SVIL: variants seen among roughly 807,000 people sequenced by gnomAD.
The protein encoded by SVIL is supervillin.
A neutral mutation model predicts 240.4 loss-of-function variants in SVIL; 101 were observed. That is an observed-to-expected ratio of 0.42 (90% CI 0.36 to 0.50). The LOEUF is 0.50. Among genes scored for constraint, SVIL ranks in the 20% least tolerant of loss-of-function variants. SVIL has a pLI of 0.01. For synonymous variants in SVIL, 999 were observed against 1,100.0 expected, an observed-to-expected ratio of 0.91 and a Z score of 1.82; for missense variants, 2,512 against 2,818.7, an observed-to-expected ratio of 0.89 and a Z score of 2.46.
chr10:29,519,002 A>T (rs1202629352), intron 16 of SVIL, among the ~76,000 whole-genome samples: 1 of 152,212 alleles, frequency 6.6e-6, no homozygotes, highest in Non-Finnish European at 1.5e-5. Flanking sequence ...AAGGCTGAAG[A>T]AGACAGACCT....
intron 6 of SVIL, among the ~76,000 whole-genome samples, chr10:29,539,080 C>G (rs1051779206): frequency 2.0e-5 from 3 of 152,004 alleles, no homozygotes; most frequent in African/African-American, 7.3e-5. Context: ...CAGTAGGATC[C>G]TTTGAGCCCA....
chr10:29,583,019 C>T (rs1456535984), intron 1 of SVIL, among the ~76,000 whole-genome samples: 1 of 152,110 alleles, frequency 6.6e-6, no homozygotes, highest in African/African-American at 2.4e-5. Flanking sequence ...AACACTGAGT[C>T]GTCACAGAGG....
intron 17 of SVIL, among the ~76,000 whole-genome samples, chr10:29,503,588 CTATT>C (rs1213528010): frequency 6.6e-6 from 1 of 152,148 alleles, no homozygotes; most frequent in Admixed American, 6.5e-5. Flanking sequence ...AGTATATAAA[CTATT>C]TATATTTAGC....
In SVIL at chr10:29,727,745, A is replaced by C. The variant is rs201557391; in HGVS notation, c.-400+8006T>G. Among the ~76,000 whole-genome samples the C allele has an allele frequency of 9.2e-3, 1,389 of 150,786 alleles. 18 individuals are homozygous for C. The highest frequency in any genetic ancestry group is 0.051 in the East Asian group (263 of 5,168). ...TGTGAATTAAGTCGTGAACACAAAA[A>C]AAAAAAAAAAAGAAAAAGTCACAAA... On this transcript the variant is annotated intron_variant, in intron 1 of 35. Transcript: ENST00000375400.
chr10:29,516,085 C>T (rs1321781425), intron 16 of SVIL, among the ~76,000 whole-genome samples: 4 of 152,146 alleles, frequency 2.6e-5, no homozygotes, highest in South Asian at 2.1e-4. Context: ...TGTTTCACTT[C>T]GGTAGAACAT....
chr10:29,550,044 C>G lies in SVIL; in HGVS notation c.827+553G>C, dbSNP rs569094954. On this transcript the variant is annotated intron_variant, in intron 6 of 37. Coordinates refer to ENST00000355867, the MANE Select transcript of SVIL (RefSeq NM_021738.3). The stretch of plus-strand genomic sequence containing the variant: ...TAAAAAAAAAAAAAAAAAAGAATTA[C>G]GAAGAAAAGAAAAAGAAAAAAAAAA... Among the ~76,000 whole-genome samples the G allele has an allele frequency of 2.4e-5, 3 of 126,040 alleles. No homozygotes were observed. In the East Asian group the frequency reaches 6.9e-4, roughly 29 times the overall value. The allele number at this position is 126,040 out of a possible 152,430, so 82.7% of individuals were successfully genotyped here. A position where few individuals can be genotyped will look rare whatever the true frequency, so the allele number is the denominator to read the frequency against.
intron 1 of SVIL, among the ~76,000 whole-genome samples, chr10:29,586,513 G>A (rs1241407547): frequency 6.6e-6 from 1 of 152,014 alleles, no homozygotes; most frequent in Non-Finnish European, 1.5e-5. Context: ...TGGAACGCAG[G>A]TCCCTTGGCT....
intron 6 of SVIL, among the ~76,000 whole-genome samples, chr10:29,542,771 A>T (rs1007536666): frequency 2.0e-5 from 3 of 152,122 alleles, no homozygotes; most frequent in African/African-American, 7.2e-5. Context: ...CATTTTTTCT[A>T]ACTACTTTTT....
chr10:29,692,685 G>A (rs998372513), intron 1 of SVIL, among the ~76,000 whole-genome samples: 2 of 151,190 alleles, frequency 1.3e-5, no homozygotes, highest in African/African-American at 2.4e-5. Context: ...TAAGGGCAAG[G>A]TCTCCCTATG....
At chr10:29,566,845 T>C (rs1301792269) in intron 2 of SVIL, among the ~76,000 whole-genome samples, 1 of 152,062 alleles carries the variant, frequency 6.6e-6, no homozygotes, top group Non-Finnish European at 1.5e-5. Context: ...TCCTCCTCAG[T>C]CACCCCTCAA....
At position 29,533,303 on chromosome 10, in the gene SVIL, T is replaced by C; in HGVS notation, c.1064A>G (p.Lys355Arg). The C allele has an allele frequency of 6.2e-7, 1 of 1,614,052 alleles. No individual in the cohort carries two copies. Among genetic ancestry groups the C allele is most frequent in the Non-Finnish European group, 8.5e-7 (1 of 1,179,996 alleles). The change falls in exon 8 of 38, where the codon AAG becomes AGG. Residue 355 changes from lysine to arginine, a missense_variant. This residue lies in a region of SVIL where 1,443 missense variants were observed against 1,486.6 expected (regional missense o/e 0.97). Coordinates refer to ENST00000355867, the MANE Select transcript of SVIL (RefSeq NM_021738.3). ...EHSAFDRVPSKAAGSTRQPIR... is the reference protein window; with the variant it reads ...EHSAFDRVPSRAAGSTRQPIR... ...TGGCTGTCGTGTAGAGCCTGCTGCC[T>C]TGCTGGGGACCCTATCAAAGGCTGA...
At chr10:29,649,443 A>G (rs1958770056) in intron 3 of SVIL, among the ~76,000 whole-genome samples, 1 of 152,180 alleles carries the variant, frequency 6.6e-6, no homozygotes, top group Admixed American at 6.5e-5. Flanking sequence ...TTTTTAAACC[A>G]CACACATAAG....
At chr10:29,478,045 G>A (rs571229266) in intron 29 of SVIL, among the ~76,000 whole-genome samples, 1 of 152,252 alleles carries the variant, frequency 6.6e-6, no homozygotes, top group Non-Finnish European at 1.5e-5. Context: ...TATAAAACAC[G>A]ATTTCCCTTT....
chr10:29,615,738 T>C (rs531916002), intron 1 of SVIL, among the ~76,000 whole-genome samples: 1 of 152,352 alleles, frequency 6.6e-6, no homozygotes, highest in South Asian at 2.1e-4. Context: ...ATATCAAGCA[T>C]TGGGCAGTAA....
Position 29,473,663 on chromosome 10 carries a change from A to G in SVIL, c.5529+175T>C, listed in dbSNP as rs139034454. ...ATCTTACAAAAAGTGGGAGGAGGAA[A>G]GAAATGGGAGGCACAGCCTGAGACC... On this transcript the variant is annotated intron_variant, in intron 30 of 37. Coordinates refer to ENST00000355867, the MANE Select transcript of SVIL (RefSeq NM_021738.3). 795 of 732,202 alleles carry G rather than the reference A, an allele frequency of 1.1e-3. 8 individuals carry two copies. The African/African-American group carries it at 0.013, about 12-fold the overall frequency. The allele number at this position is 732,202 out of a possible 1,614,324, so 45.4% of individuals were successfully genotyped here. A position where few individuals can be genotyped will look rare whatever the true frequency, so the allele number is the denominator to read the frequency against.
At chr10:29,617,506 G>A (rs1301985789) in intron 1 of SVIL, among the ~76,000 whole-genome samples, 4 of 151,696 alleles carry the variant, frequency 2.6e-5, no homozygotes, top group South Asian at 2.1e-4. Context: ...GCTTGAACCC[G>A]GAAGGCAGAG....
At chr10:29,463,682 A>C (rs1944541421) in intron 34 of SVIL, 47 bp from the exon 35 acceptor site, 2 of 1,600,582 alleles carry the variant, frequency 1.2e-6, no homozygotes, top group Admixed American at 3.4e-5. Context: ...TCCTTCACGG[A>C]CACTTCTAGC....
At chr10:29,546,606 T>G (rs962891386) in intron 6 of SVIL, among the ~76,000 whole-genome samples, 1 of 152,178 alleles carries the variant, frequency 6.6e-6, no homozygotes, top group African/African-American at 2.4e-5. Context: ...GTATAAGAAT[T>G]AATGATTATT....
chr10:29,645,891 G>A (rs536940110), intron 3 of SVIL, among the ~76,000 whole-genome samples: 2 of 152,178 alleles, frequency 1.3e-5, no homozygotes, highest in African/African-American at 4.8e-5. Context: ...GCATCAAAGG[G>A]AAGAGAGAAA....
Sources: gnomAD v4.1 joint callset for allele counts (sites outside exome capture counted in the v4.1 genomes callset) on GRCh38, gnomAD v4.1.1 for gene constraint, gnomAD v4.1.1 regional missense constraint, MANE v1.5 for transcripts, NCBI Gene and HGNC (gene_info 2026-07-23, HGNC 2026-07-21) for gene names.